MME: variants seen among roughly 807,000 people sequenced by gnomAD.
MME encodes neprilysin.
MME carries 98 observed loss-of-function variants against 113.2 expected under a neutral mutation model. The observed-to-expected ratio is 0.87, with a 90% confidence interval of 0.74 to 1.02. The LOEUF is 1.02. MME is among the 50% of genes least tolerant of loss of function. The probability of loss-of-function intolerance (pLI) is 0.00; values close to 1 mark genes in which losing one functional copy is unlikely to be tolerated. For synonymous variants in MME, 292 were observed against 300.6 expected (o/e 0.97, Z 0.30); for missense variants, 836 against 896.0 (o/e 0.93, Z 0.86).
chr3:155,051,823 T>C (rs1296965662), intron 1 of MME, among the ~76,000 whole-genome samples: 1 of 152,076 alleles, frequency 6.6e-6, no homozygotes, highest in Non-Finnish European at 1.5e-5. Flanking sequence ...CCTCCCAAAG[T>C]CTTAACTCAT....
intron 7 of MME, 49 bp from the exon 8 acceptor site, chr3:155,118,697 T>C (rs1413773894): frequency 1.6e-6 from 2 of 1,252,768 alleles, no homozygotes; most frequent in Non-Finnish European, 2.3e-6. Flanking sequence ...TTTCAAACTT[T>C]TCTATATTCA....
At chr3:155,083,754 AT>A in intron 1 of MME, 1 of 200,420 alleles carries the variant, frequency 5.0e-6, no homozygotes, top group Non-Finnish European at 1.0e-5. Context: ...GGAGCAAGAT[AT>A]AAAATTAACC....
intron 22 of MME, among the ~76,000 whole-genome samples, chr3:155,177,744 A>C (rs960161200): frequency 2.0e-5 from 3 of 152,182 alleles, no homozygotes; most frequent in African/African-American, 7.2e-5. Flanking sequence ...CAATCAAATT[A>C]AGCCAAACTC....
intron 1 of MME, among the ~76,000 whole-genome samples, chr3:155,067,502 G>A (rs867071308): frequency 2.0e-5 from 3 of 151,412 alleles, no homozygotes; most frequent in African/African-American, 4.9e-5. Flanking sequence ...GTGGAGACAG[G>A]GTTTCACCGT....
chr3:155,047,245 C>T (rs900579101), intron 1 of MME, among the ~76,000 whole-genome samples: 6 of 152,188 alleles, frequency 3.9e-5, no homozygotes, highest in South Asian at 4.1e-4. Flanking sequence ...TAAATAAATA[C>T]TTTCCATTGT....
chr3:155,109,784 T>C (rs1276165630), intron 3 of MME, among the ~76,000 whole-genome samples: 1 of 152,228 alleles, frequency 6.6e-6, no homozygotes, highest in Non-Finnish European at 1.5e-5. Flanking sequence ...ATGATTCACA[T>C]GTTTAGCCAG....
At chr3:155,086,441 G>T (rs1418665276) in intron 3 of MME, among the ~76,000 whole-genome samples, 1 of 152,172 alleles carries the variant, frequency 6.6e-6, no homozygotes, top group Non-Finnish European at 1.5e-5. Flanking sequence ...GATAGTGGAA[G>T]CCTTGGAAGT....
Position 155,181,770 on chromosome 3 carries a change from C to G in MME, c.*1311C>G, listed in dbSNP as rs1169533684. 2 of 152,050 alleles carry G rather than the reference C, an allele frequency of 1.3e-5. No individual in the cohort carries two copies. The highest frequency in any genetic ancestry group is 2.9e-5 in the Non-Finnish European group (2 of 67,998). 9.4% of individuals were successfully genotyped at this position (152,050 alleles called of 1,614,324 possible). A position where few individuals can be genotyped will look rare whatever the true frequency, so the allele number is the denominator to read the frequency against. ...TTCCTCTCTTTTCCTGTTGTATTGA[C>G]TATTTTCGTTCATTACTTGATTAAG... On this transcript the variant is annotated 3_prime_UTR_variant, in exon 23 of 23. Transcript: ENST00000360490.
intron 1 of MME, among the ~76,000 whole-genome samples, chr3:155,040,424 G>A (rs1322608331): frequency 1.3e-5 from 2 of 151,748 alleles, no homozygotes; most frequent in Non-Finnish European, 2.9e-5. Flanking sequence ...GTCTATATTT[G>A]GAATTTTAGA....
Position 155,085,106 on chromosome 3 carries a change from T to A in MME, c.196+12T>A. 1 of 1,544,688 alleles carries A rather than the reference T, an allele frequency of 6.5e-7. No homozygotes were observed. Among genetic ancestry groups the A allele is most frequent in the Non-Finnish European group, 8.9e-7 (1 of 1,122,088 alleles). ...CTGCATAAAATCAGGTAAGAAATGG[T>A]TTTTACGTGTAATAGTTATACAACT... On this transcript the variant is annotated intron_variant, in intron 3 of 22. Coordinates refer to ENST00000360490, the MANE Select transcript of MME (RefSeq NM_007289.4).
At position 155,084,223 on chromosome 3, in the gene MME, A is replaced by G. The variant is rs148334392; in HGVS notation, c.56A>G (p.Lys19Arg). 25 of 1,614,200 alleles carry G rather than the reference A, an allele frequency of 1.5e-5. No individual in the cohort carries two copies. In the African/African-American group the frequency reaches 2.8e-4, roughly 18 times the overall value. The change falls in exon 2 of 23, where the codon AAG (lysine) becomes AGG (arginine). Residue 19 changes from lysine to arginine, a missense_variant. Physicochemically the swap from Lys to Arg is conservative, Grantham distance 26. Transcript: ENST00000360490. ...ACTGATATCAACACTCCAAAGCCAA[A>G]GAAGAAACAGCGATGGACTCCACTG... Reference protein sequence around the residue: ...DITDINTPKPKKKQRWTPLEI... With the variant: ...DITDINTPKPRKKQRWTPLEI...
chr3:155,173,248 G>A (rs1712178785), intron 22 of MME, among the ~76,000 whole-genome samples: 1 of 151,778 alleles, frequency 6.6e-6, no homozygotes, highest in Non-Finnish European at 1.5e-5. Context: ...TTTAAGAACT[G>A]AATTCCTAAT....
chr3:155,130,429 G>A (rs1720046605), intron 8 of MME, among the ~76,000 whole-genome samples: 1 of 152,202 alleles, frequency 6.6e-6, no homozygotes, highest in Admixed American at 6.5e-5. Context: ...GAGAGTAGAA[G>A]CTACAGGGTA....
intron 16 of MME, among the ~76,000 whole-genome samples, chr3:155,150,767 A>G (rs1397516399): frequency 6.6e-6 from 1 of 152,162 alleles, no homozygotes; most frequent in Non-Finnish European, 1.5e-5. Flanking sequence ...ATTCCTGTTC[A>G]TATTCAATTT....
chr3:155,042,958 A>ATATC (rs1366557149), intron 1 of MME, among the ~76,000 whole-genome samples: 1 of 130,060 alleles, frequency 7.7e-6, no homozygotes, highest in Non-Finnish European at 1.6e-5. Context: ...ATATATATAT[A>ATATC]TCACATTTGT....
chr3:155,156,988 A>C (rs983998765), intron 16 of MME, among the ~76,000 whole-genome samples: 3 of 152,040 alleles, frequency 2.0e-5, no homozygotes, highest in African/African-American at 7.2e-5. Context: ...AGCTATAAAA[A>C]TTATTTCTGC....
intron 3 of MME, among the ~76,000 whole-genome samples, chr3:155,099,419 G>A (rs1287016182): frequency 6.6e-6 from 1 of 152,062 alleles, no homozygotes; most frequent in Non-Finnish European, 1.5e-5. Flanking sequence ...CTTCAATCCA[G>A]AGGAGTCCAA....
intron 16 of MME, among the ~76,000 whole-genome samples, chr3:155,149,138 A>G (rs2108326952): frequency 6.6e-6 from 1 of 152,304 alleles, no homozygotes; most frequent in South Asian, 2.1e-4. Context: ...ACTAGGAACC[A>G]TTCTTATTCA....
intron 3 of MME, among the ~76,000 whole-genome samples, chr3:155,086,527 T>A (rs983965549): frequency 2.0e-5 from 3 of 152,108 alleles, no homozygotes; most frequent in Non-Finnish European, 2.9e-5. Flanking sequence ...ACAACATCAA[T>A]GATTAGAAGA....
Sources: gnomAD v4.1 joint callset for allele counts (sites outside exome capture counted in the v4.1 genomes callset) on GRCh38, gnomAD v4.1.1 for gene constraint, MANE v1.5 for transcripts, NCBI Gene and HGNC (gene_info 2026-07-23, HGNC 2026-07-21) for gene names.